Variants in NDST3 observed in about 807,000 individuals in gnomAD.
The protein encoded by NDST3 is N-deacetylase and N-sulfotransferase 3.
Under a neutral mutation model 96.1 loss-of-function variants are expected in NDST3, and 58 were observed. That is an observed-to-expected ratio of 0.60 (90% CI 0.49 to 0.75). NDST3 has a LOEUF of 0.75. NDST3 is among the 30% of genes least tolerant of loss of function. The probability of loss-of-function intolerance (pLI) is 0.00; values close to 1 mark genes in which losing one functional copy is unlikely to be tolerated. For missense variants in NDST3, 788 were observed against 1,034.2 expected (o/e 0.76, Z 3.27); for synonymous variants, 333 against 359.7 (o/e 0.93, Z 0.84).
At chr4:118,100,546 T>C (rs909491554) in intron 2 of NDST3, among the ~76,000 whole-genome samples, 1 of 152,098 alleles carries the variant, frequency 6.6e-6, no homozygotes, top group Admixed American at 6.6e-5. Context: ...ATTCCCCTCA[T>C]ACCTTTAGGC....
chr4:118,037,122 T>C (rs1293409252), intron 1 of NDST3, among the ~76,000 whole-genome samples: 33 of 152,072 alleles, frequency 2.2e-4, no homozygotes, highest in Admixed American at 2.2e-3. Context: ...ACCTGAAAAA[T>C]GAGGATTCCA....
chr4:118,142,951 C>A (rs535212116), intron 5 of NDST3, among the ~76,000 whole-genome samples: 13 of 152,230 alleles, frequency 8.5e-5, no homozygotes, highest in African/African-American at 2.6e-4. Context: ...AGTGAATAAT[C>A]TCTTTCTTAC....
intron 8 of NDST3, among the ~76,000 whole-genome samples, chr4:118,230,413 A>C (rs1740195284): frequency 6.6e-6 from 1 of 152,068 alleles, no homozygotes; most frequent in Non-Finnish European, 1.5e-5. Flanking sequence ...GTCTCCACTA[A>C]AAATACAAAA....
intron 9 of NDST3, among the ~76,000 whole-genome samples, chr4:118,234,497 G>T (rs1740512681): frequency 6.6e-6 from 1 of 151,982 alleles, no homozygotes; most frequent in South Asian, 2.1e-4. Flanking sequence ...TATAATTATA[G>T]AATAAAATGA....
chr4:118,219,976 T>C (rs938918171), intron 6 of NDST3, among the ~76,000 whole-genome samples: 6 of 151,498 alleles, frequency 4.0e-5, no homozygotes, highest in African/African-American at 1.2e-4. Flanking sequence ...CATCTCACAC[T>C]GGTGAGGTTG....
chr4:118,180,002 C>T (rs57461354), intron 6 of NDST3, among the ~76,000 whole-genome samples: 1,821 of 152,124 alleles, frequency 0.012, 33 homozygotes, highest in African/African-American at 0.041. Flanking sequence ...CCTTACGCCT[C>T]CAGTTAACAT....
Position 118,224,646 on chromosome 4 carries a change from T to C in NDST3, c.1695T>C (p.Phe565=), listed in dbSNP as rs906591173. Residue 565 remains phenylalanine (F), a synonymous_variant, in exon 7 of 14, where the codon TTT becomes TTC. Coordinates refer to ENST00000296499, the MANE Select transcript of NDST3 (RefSeq NM_004784.3). ...VQLAHKYFEL[F]PDQKDPLWQN... is the part of the protein sequence containing the mutation. ...TGGCCCACAAGTATTTTGAGCTGTT[T>C]CCTGATCAGAAAGACCCTCTCTGGC... The C allele has an allele frequency of 6.2e-7, 1 of 1,605,982 alleles. No homozygotes were observed. The highest frequency in any genetic ancestry group is 1.3e-5 in the African/African-American group (1 of 74,784).
intron 4 of NDST3, among the ~76,000 whole-genome samples, chr4:118,117,977 G>C (rs1288887095): frequency 6.6e-6 from 1 of 152,154 alleles, no homozygotes; most frequent in Non-Finnish European, 1.5e-5. Context: ...AATATAGGCA[G>C]AGTCTCTAAA....
intron 2 of NDST3, among the ~76,000 whole-genome samples, chr4:118,101,754 T>C (rs1182304387): frequency 1.3e-5 from 2 of 152,156 alleles, no homozygotes; most frequent in Admixed American, 6.6e-5. Flanking sequence ...GACTGAAACA[T>C]CATTATGAGA....
chr4:118,224,637 T>C lies in NDST3; in HGVS notation c.1686T>C (p.Phe562=). Residue 562 remains phenylalanine, a synonymous_variant, in exon 7 of 14, where the codon TTT becomes TTC. Transcript: ENST00000296499. ...CAGTACAACTGGCCCACAAGTATTT[T>C]GAGCTGTTTCCTGATCAGAAAGACC... ...LPPVQLAHKY[F]ELFPDQKDPL... 1 of 1,609,470 alleles carries C rather than the reference T, an allele frequency of 6.2e-7. No individual in the cohort carries two copies. The highest frequency in any genetic ancestry group is 2.2e-5 in the East Asian group (1 of 44,814).
chr4:118,212,078 C>T (rs1419569008), intron 6 of NDST3, among the ~76,000 whole-genome samples: 2 of 152,094 alleles, frequency 1.3e-5, no homozygotes, highest in Non-Finnish European at 2.9e-5. Context: ...GGAATAGCAG[C>T]GGGCATCTTT....
At chr4:118,126,791 C>A (rs1459057406) in intron 4 of NDST3, among the ~76,000 whole-genome samples, 1 of 151,948 alleles carries the variant, frequency 6.6e-6, no homozygotes, top group East Asian at 1.9e-4. Context: ...AGTGGTTGTA[C>A]TAATTTACAT....
intron 6 of NDST3, among the ~76,000 whole-genome samples, chr4:118,160,240 T>C (rs1735000665): frequency 6.6e-6 from 1 of 151,664 alleles, no homozygotes; most frequent in Non-Finnish European, 1.5e-5. Flanking sequence ...CAGGACAAAA[T>C]GGAGAAGGGA....
In NDST3 at chr4:118,106,268, C is replaced by T. The variant is rs751413160; in HGVS notation, c.1069+1163C>T. On this transcript the variant is annotated intron_variant, in intron 3 of 13. Transcript: ENST00000296499. The stretch of plus-strand genomic sequence containing the variant: ...TGAACAAAAATACTTAATTTTAGGC[C>T]GTTCAATTTATCATTTTTTTCTTTA... Among the ~76,000 whole-genome samples, 3 of 152,074 alleles carry T rather than the reference C, an allele frequency of 2.0e-5. 1 individual carries two copies. Among genetic ancestry groups the T allele is most frequent in the Admixed American group, 1.3e-4 (2 of 15,256 alleles).
chr4:118,151,153 C>T (rs940242374), intron 6 of NDST3, among the ~76,000 whole-genome samples: 5 of 152,102 alleles, frequency 3.3e-5, no homozygotes, highest in South Asian at 4.2e-4. Flanking sequence ...AACCAAACAC[C>T]GCATATTCTC....
At chr4:118,205,454 T>C (rs1738374816) in intron 6 of NDST3, among the ~76,000 whole-genome samples, 1 of 144,648 alleles carries the variant, frequency 6.9e-6, no homozygotes, top group South Asian at 2.3e-4. Context: ...CCACCCATAA[T>C]TTGCTTATCT....
At chr4:118,214,529 T>G (rs1439856180) in intron 6 of NDST3, among the ~76,000 whole-genome samples, 2 of 152,200 alleles carry the variant, frequency 1.3e-5, no homozygotes, top group African/African-American at 4.8e-5. Context: ...TTTTTCATAA[T>G]GTGGCTACTA....
chr4:118,058,594 AGT>A (rs59628763), intron 2 of NDST3, among the ~76,000 whole-genome samples: 3,367 of 81,020 alleles, frequency 0.042, 88 homozygotes, highest in African/African-American at 0.08. Flanking sequence ...AGTCAGGAAA[AGT>A]GTGTGTGTGT....
chr4:118,083,693 C>G (rs1728197587), intron 2 of NDST3, among the ~76,000 whole-genome samples: 1 of 152,062 alleles, frequency 6.6e-6, no homozygotes, highest in Admixed American at 6.6e-5. Context: ...GACTATGTGA[C>G]CTAGTGCTTT....
Sources: allele counts gnomAD v4.1 joint callset (sites outside exome capture counted in the v4.1 genomes callset), GRCh38; gene constraint gnomAD v4.1.1; transcripts MANE v1.5; gene names NCBI Gene and HGNC (gene_info 2026-07-23, HGNC 2026-07-21).